The following CCL7 variants were observed in gnomAD, a reference collection of about 807,000 sequenced individuals.
CCL7 encodes the protein C-C motif chemokine 7.
In CCL7, 8 loss-of-function variants were observed where a neutral mutation model predicts 7.1. That is an observed-to-expected ratio of 1.13 (90% CI 0.66 to 2.04). The LOEUF (loss-of-function observed/expected upper bound fraction) is 2.04, where lower values mean the gene tolerates loss of function less well. CCL7 is among the 30% of genes most tolerant of loss of function. The probability of loss-of-function intolerance (pLI) is 0.00; values close to 1 mark genes in which losing one functional copy is unlikely to be tolerated. For synonymous variants in CCL7, 46 were observed against 41.2 expected (o/e 1.12, Z -0.45); for missense variants, 134 against 113.6 (o/e 1.18, Z -0.82).
In CCL7 at chr17:34,271,216, G is replaced by A. The variant is rs201063555; in HGVS notation, c.147G>A (p.Glu49=). The A allele has an allele frequency of 5.0e-6, 8 of 1,614,032 alleles. No homozygotes were observed. Among genetic ancestry groups the A allele is most frequent in the Non-Finnish European group, 6.8e-6 (8 of 1,180,032 alleles). Residue 49 remains glutamate (E), a synonymous_variant, in exon 2 of 3, where the codon GAG becomes GAA. Transcript: ENST00000378569. The part of the protein sequence containing the change: ...INKKIPKQRL[E]SYRRTTSSHC... ...AGAAAATCCCTAAGCAGAGGCTGGA[G>A]AGCTACAGAAGGACCACCAGTAGCC...
Position 34,270,229 on chromosome 17 carries a change from G to A in CCL7, c.-62G>A, listed in dbSNP as rs752983689. ...GACAGAGCTTCCAGAGGAGCAGAGG[G>A]GCTGAGACCAAACCAGAAACCTCCA... On this transcript the variant is annotated 5_prime_UTR_variant, in exon 1 of 3. Transcript: ENST00000378569. 12 of 1,461,416 alleles carry A rather than the reference G, an allele frequency of 8.2e-6. No homozygotes were observed. In the South Asian group the frequency reaches 1.2e-4, roughly 15 times the overall value. 90.5% of individuals were successfully genotyped at this position (1,461,416 alleles called of 1,614,324 possible). A position where few individuals can be genotyped will look rare whatever the true frequency, so the allele number is the denominator to read the frequency against.
chr17:34,270,465 A>G (rs772294220), intron 1 of CCL7, 99 bp downstream of exon 1: 3 of 939,218 alleles, frequency 3.2e-6, no homozygotes, highest in Non-Finnish European at 4.9e-6. Flanking sequence ...TCACTTTAAC[A>G]GCTACTTTTC....
intron 1 of CCL7, 118 bp downstream of exon 1, chr17:34,270,484 G>A (rs989867677): frequency 7.5e-6 from 6 of 803,474 alleles, no homozygotes; most frequent in Admixed American, 2.7e-5. Context: ...TCCAAGATAA[G>A]GTAACTTAGA....
intron 2 of CCL7, 24 bp from the exon 3 acceptor site, chr17:34,271,673 G>A (rs765881607): frequency 1.3e-6 from 2 of 1,514,778 alleles, no homozygotes; most frequent in Non-Finnish European, 1.8e-6. Context: ...TGTTCCATCT[G>A]ACTGTCTCCT....
chr17:34,271,005 A>C lies in CCL7; in HGVS notation c.77-141A>C, dbSNP rs1015749468. On this transcript the variant is annotated intron_variant, in intron 1 of 2. Transcript: ENST00000378569. ...TTATGAAATGCCTCAAAGGGCAGAGACATTGGGTTTGGGATGGGCAGCTTT... is the reference window on the plus strand; with the variant it reads ...TTATGAAATGCCTCAAAGGGCAGAGCCATTGGGTTTGGGATGGGCAGCTTT... 1.7e-5 allele frequency: 25 copies of C among 1,514,088 alleles called. No individual in the cohort carries two copies. In the African/African-American group the frequency reaches 3.2e-4, roughly 19 times the overall value. The allele number at this position is 1,514,088 out of a possible 1,614,324, so 93.8% of individuals were successfully genotyped here. A position where few individuals can be genotyped will look rare whatever the true frequency, so the allele number is the denominator to read the frequency against.
In CCL7 at chr17:34,271,191, A is replaced by G. The variant is rs764112243; in HGVS notation, c.122A>G (p.Lys41Arg). Residue 41 changes from lysine to arginine, a missense_variant, in exon 2 of 3, where the codon AAG becomes AGG. Physicochemically the swap from Lys to Arg is conservative, Grantham distance 26. Transcript: ENST00000378569. ...ACCTGCTGCTACAGATTTATCAATA[A>G]GAAAATCCCTAAGCAGAGGCTGGAG... ...STTCCYRFIN[K>R]KIPKQRLESY... 4 of 1,614,174 alleles carry G rather than the reference A, an allele frequency of 2.5e-6. No individual in the cohort carries two copies. In the South Asian group the frequency reaches 3.3e-5, roughly 13 times the overall value.
In CCL7 at chr17:34,271,283, C is replaced by A; in HGVS notation, c.194+20C>A. ...TGTAATGTATGTGGACGATGACCAC[C>A]CACCCCTCACACCTCAGTCCTAGGT... On this transcript the variant is annotated intron_variant, in intron 2 of 2. Coordinates refer to ENST00000378569, the MANE Select transcript of CCL7 (RefSeq NM_006273.4). 1.3e-6 allele frequency: 2 copies of A among 1,590,746 alleles called. No individual in the cohort carries two copies. The highest frequency in any genetic ancestry group is 1.7e-6 in the Non-Finnish European group (2 of 1,159,940).
intron 1 of CCL7, among the ~76,000 whole-genome samples, chr17:34,270,819 G>A (rs564757487): frequency 2.6e-4 from 40 of 152,302 alleles, no homozygotes; most frequent in African/African-American, 9.1e-4. Context: ...AATGCTCAGA[G>A]CCTAAAAGGG....
At position 34,270,380 on chromosome 17, in the gene CCL7, C is replaced by T. The variant is rs775586841; in HGVS notation, c.76+14C>T. ...TTGCTCAGCCAGGTAAGGTCCCTCT[C>T]TCCTTCTCCTTGAAGCACATTGCCC... On this transcript the variant is annotated intron_variant, in intron 1 of 2. Coordinates refer to ENST00000378569, the MANE Select transcript of CCL7 (RefSeq NM_006273.4). 9 of 1,610,936 alleles carry T rather than the reference C, an allele frequency of 5.6e-6. No homozygotes were observed. In the African/African-American group the frequency reaches 9.3e-5, roughly 17 times the overall value.
chr17:34,272,103 T>A lies in CCL7; in HGVS notation c.*301T>A, dbSNP rs200920807. ...CTACCTCATGGGGGTATTGTATAAG[T>A]CCTTGCAAGAATCAGTGCAAAGATT... is the stretch of plus-strand genomic sequence containing the variant. On this transcript the variant is annotated 3_prime_UTR_variant, in exon 3 of 3. Transcript: ENST00000378569. 3 of 257,208 alleles carry A rather than the reference T, an allele frequency of 1.2e-5. No homozygotes were observed. Among genetic ancestry groups the A allele is most frequent in the Non-Finnish European group, 2.2e-5 (3 of 136,342 alleles). The allele number at this position is 257,208 out of a possible 1,614,324, so 15.9% of individuals were successfully genotyped here. A position where few individuals can be genotyped will look rare whatever the true frequency, so the allele number is the denominator to read the frequency against.
rs1908177681 is a variant in CCL7, at chr17:34,271,761, A to G, written c.259A>G (p.Met87Val). ...DPTQKWVQDF[M>V]KHLDKKTQTP... ...CACACAGAAGTGGGTCCAGGACTTT[A>G]TGAAGCACCTGGACAAGAAAACCCA... The change falls in exon 3 of 3, where the codon ATG becomes GTG. Residue 87 changes from methionine to valine, a missense_variant. Met to Val is a conservative substitution (Grantham distance 21). Transcript: ENST00000378569. 6.2e-7 allele frequency: 1 copy of G among 1,613,322 alleles called. No individual in the cohort carries two copies. Among genetic ancestry groups the G allele is most frequent in the Non-Finnish European group, 8.5e-7 (1 of 1,179,678 alleles).
Position 34,272,089 on chromosome 17 carries a change from G to A in CCL7, c.*287G>A, listed in dbSNP as rs554771225. 2.6e-5 allele frequency: 8 copies of A among 312,248 alleles called. No individual in the cohort carries two copies. The highest frequency in any genetic ancestry group is 1.4e-4 in the African/African-American group (6 of 44,322). The allele number at this position is 312,248 out of a possible 1,614,324, so 19.3% of individuals were successfully genotyped here. A position where few individuals can be genotyped will look rare whatever the true frequency, so the allele number is the denominator to read the frequency against. ...TGCTCCTCCCTTCTCTACCTCATGG[G>A]GGTATTGTATAAGTCCTTGCAAGAA... On this transcript the variant is annotated 3_prime_UTR_variant, in exon 3 of 3. Coordinates refer to ENST00000378569, the MANE Select transcript of CCL7 (RefSeq NM_006273.4).
intron 1 of CCL7, 192 bp from the exon 2 acceptor site, chr17:34,270,954 C>A: frequency 8.1e-7 from 1 of 1,233,172 alleles, no homozygotes; most frequent in Non-Finnish European, 1.1e-6. Context: ...ATCCCTATTT[C>A]ACAGTCCATA....
At chr17:34,271,637 C>A in intron 2 of CCL7, 60 bp from the exon 3 acceptor site, 1 of 1,099,616 alleles carries the variant, frequency 9.1e-7, no homozygotes, top group South Asian at 1.3e-5. Flanking sequence ...TAGACTTGGT[C>A]ACACTCCCAG....
Position 34,271,242 on chromosome 17 carries a change from A to G in CCL7, c.173A>G (p.His58Arg), listed in dbSNP as rs1375810558. 1.9e-6 allele frequency: 3 copies of G among 1,613,878 alleles called. No homozygotes were observed. Among genetic ancestry groups the G allele is most frequent in the Non-Finnish European group, 2.5e-6 (3 of 1,179,910 alleles). ...AGCTACAGAAGGACCACCAGTAGCC[A>G]CTGTCCCCGGGAAGCTGTAATGTAT... ...LESYRRTTSS[H>R]CPREAVIFKT... The change falls in exon 2 of 3, where the codon CAC becomes CGC. Residue 58 changes from histidine (H) to arginine (R), a missense_variant. Physicochemically the swap from His to Arg is conservative, Grantham distance 29. Transcript: ENST00000378569.
rs199502136 is a variant in CCL7, at chr17:34,270,260, C to T, written c.-31C>T. 1.7e-5 allele frequency: 27 copies of T among 1,609,264 alleles called. No homozygotes were observed. Among genetic ancestry groups the T allele is most frequent in the South Asian group, 1.1e-5 (1 of 90,996 alleles). Reference sequence around the variant, plus strand: ...GACCAAACCAGAAACCTCCAATTCTCATGTGGAAGCCCATGCCCTCACCCT... The same window carrying T: ...GACCAAACCAGAAACCTCCAATTCTTATGTGGAAGCCCATGCCCTCACCCT... On this transcript the variant is annotated 5_prime_UTR_variant, in exon 1 of 3. Coordinates refer to ENST00000378569, the MANE Select transcript of CCL7 (RefSeq NM_006273.4).
At chr17:34,270,791 A>C (rs970204733) in intron 1 of CCL7, among the ~76,000 whole-genome samples, 1 of 151,918 alleles carries the variant, frequency 6.6e-6, no homozygotes. Flanking sequence ...TATCAGGGAA[A>C]CTCATGACCA....
At chr17:34,270,961 C>T in intron 1 of CCL7, 185 bp from the exon 2 acceptor site, 1 of 1,281,560 alleles carries the variant, frequency 7.8e-7, no homozygotes. Context: ...TTTCACAGTC[C>T]ATAAAAGTGA....
chr17:34,270,681 T>C, intron 1 of CCL7, among the ~76,000 whole-genome samples: 1 of 152,136 alleles, frequency 6.6e-6, no homozygotes, highest in East Asian at 1.9e-4. Context: ...AGGAGGCTTC[T>C]GGGGATGGGT....
Sources: gnomAD v4.1 joint callset for allele counts (sites outside exome capture counted in the v4.1 genomes callset) on GRCh38, gnomAD v4.1.1 for gene constraint, MANE v1.5 for transcripts, NCBI Gene and HGNC (gene_info 2026-07-23, HGNC 2026-07-21) for gene names.